CDH22: variants seen among roughly 807,000 people sequenced by gnomAD.
CDH22 encodes cadherin 22.
Under a neutral mutation model 58.4 loss-of-function variants are expected in CDH22, and 30 were observed. The observed-to-expected ratio is 0.51, with a 90% CI of 0.38 to 0.70. The LOEUF is 0.70. CDH22 is among the 30% of genes least tolerant of loss of function. CDH22 has a pLI of 0.00. For synonymous variants in CDH22, 513 were observed against 558.2 expected, an observed-to-expected ratio of 0.92 and a Z score of 1.14; for missense variants, 1,014 against 1,233.9, an observed-to-expected ratio of 0.82 and a Z score of 2.67.
Position 46,199,263 on chromosome 20 carries a change from GTTTC to G in CDH22, c.1423+156_1423+159del, listed in dbSNP as rs1452334229. Among the ~76,000 whole-genome samples, 4 of 152,218 alleles carry G rather than the reference GTTTC, an allele frequency of 2.6e-5. No homozygotes were observed. The East Asian group carries it at 5.8e-4, about 22-fold the overall frequency. ...TTCACCGCTGTGAGATCTTTGTCTAGTTTCTTTCTCTTCGCACCATCCCCAACCT... is the reference window on the plus strand; with the variant it reads ...TTCACCGCTGTGAGATCTTTGTCTAGTTTCTCTTCGCACCATCCCCAACCT... On this transcript the variant is annotated intron_variant, in intron 8 of 11. Transcript: ENST00000537909.
intron 1 of CDH22, among the ~76,000 whole-genome samples, chr20:46,286,727 G>A (rs913744115): frequency 1.3e-5 from 2 of 152,136 alleles, no homozygotes; most frequent in East Asian, 1.9e-4. Flanking sequence ...GTTGCTGGGC[G>A]GGGAAGGACC....
chr20:46,222,926 A>G (rs914011604), intron 4 of CDH22, among the ~76,000 whole-genome samples: 4 of 152,238 alleles, frequency 2.6e-5, no homozygotes, highest in Admixed American at 2.6e-4. Context: ...ACCTCGCAGC[A>G]GCTGCTAAAT....
chr20:46,190,633 C>A (rs956583550), intron 8 of CDH22, among the ~76,000 whole-genome samples: 2 of 152,228 alleles, frequency 1.3e-5, no homozygotes, highest in African/African-American at 4.8e-5. Context: ...TATGTTGTGT[C>A]AGGCAAAATT....
intron 8 of CDH22, among the ~76,000 whole-genome samples, chr20:46,193,251 G>T (rs911127024): frequency 7.2e-5 from 11 of 152,134 alleles, no homozygotes; most frequent in Non-Finnish European, 1.6e-4. Flanking sequence ...GATCCCAGGA[G>T]TCATCCAGTC....
chr20:46,297,556 G>C (rs1372944898), intron 1 of CDH22, among the ~76,000 whole-genome samples: 3 of 151,796 alleles, frequency 2.0e-5, no homozygotes, highest in Non-Finnish European at 4.4e-5. Context: ...ACTCCAAGAA[G>C]AGACGGGCGC....
At chr20:46,227,749 G>A (rs2086189650) in intron 3 of CDH22, 122 bp from the exon 4 acceptor site, 2 of 1,387,176 alleles carry the variant, frequency 1.4e-6, no homozygotes, top group South Asian at 1.4e-5. Flanking sequence ...GGAGGCCATC[G>A]AATACAGCCC....
chr20:46,179,182 C>G (rs1049212095), intron 10 of CDH22, among the ~76,000 whole-genome samples: 1 of 152,212 alleles, frequency 6.6e-6, no homozygotes, highest in Admixed American at 6.5e-5. Flanking sequence ...TGCAGGGGTA[C>G]GAAGTGCCCA....
intron 1 of CDH22, among the ~76,000 whole-genome samples, chr20:46,282,786 C>T (rs573277822): frequency 6.6e-6 from 1 of 152,260 alleles, no homozygotes; most frequent in South Asian, 2.1e-4. Context: ...TTGCCCCTCC[C>T]CCATACCAGG....
intron 8 of CDH22, among the ~76,000 whole-genome samples, chr20:46,189,910 G>A (rs2425771): frequency 0.034 from 5,115 of 151,956 alleles, 136 homozygotes; most frequent in Middle Eastern, 0.076. Flanking sequence ...CACCTGGAGA[G>A]CCTTTAAAAA....
At chr20:46,296,266 G>A (rs1162951522) in intron 1 of CDH22, among the ~76,000 whole-genome samples, 1 of 152,150 alleles carries the variant, frequency 6.6e-6, no homozygotes. Flanking sequence ...GGCAGGGAGG[G>A]GCATCTTCAT....
chr20:46,181,744 C>CTTCG lies in CDH22; in HGVS notation c.1664-3548_1664-3547insCGAA, dbSNP rs1441495518. ...CCTTCCTTCCTTCCTTCCTTCCTTC[C>CTTCG]TTCCTTCCTTCTTTCTTTCTTTCTT... On this transcript the variant is annotated intron_variant, in intron 10 of 11. Transcript: ENST00000537909. Among the ~76,000 whole-genome samples the CTTCG allele has an allele frequency of 4.7e-3, 143 of 30,750 alleles. 2 individuals carry two copies. The highest frequency in any genetic ancestry group is 0.011 in the African/African-American group (119 of 11,118). The allele number at this position is 30,750 out of a possible 152,430, so 20.2% of individuals were successfully genotyped here.
intron 7 of CDH22, among the ~76,000 whole-genome samples, chr20:46,208,994 G>A (rs1288155420): frequency 2.0e-5 from 3 of 152,188 alleles, no homozygotes; most frequent in African/African-American, 4.8e-5. Context: ...ACAAATAGAC[G>A]TAAATCCCTA....
chr20:46,208,656 G>A (rs2086017739), intron 7 of CDH22, among the ~76,000 whole-genome samples: 1 of 152,116 alleles, frequency 6.6e-6, no homozygotes, highest in South Asian at 2.1e-4. Context: ...GTGCAATGGT[G>A]CAATCTCGGC....
chr20:46,283,099 G>A (rs1006804134), intron 1 of CDH22, among the ~76,000 whole-genome samples: 2 of 152,194 alleles, frequency 1.3e-5, no homozygotes, highest in Non-Finnish European at 2.9e-5. Flanking sequence ...CATGCAGTAC[G>A]GCATGGGGTG....
intron 7 of CDH22, among the ~76,000 whole-genome samples, chr20:46,201,498 C>G (rs1340830397): frequency 1.3e-5 from 2 of 152,210 alleles, no homozygotes; most frequent in Non-Finnish European, 2.9e-5. Flanking sequence ...TCCTCTGCCA[C>G]TGATTCTACC....
intron 1 of CDH22, among the ~76,000 whole-genome samples, chr20:46,256,789 C>T (rs979489427): frequency 6.6e-6 from 1 of 152,052 alleles, no homozygotes; most frequent in Non-Finnish European, 1.5e-5. Context: ...TTCCTTGAGG[C>T]CAGGGGTTCA....
chr20:46,249,483 G>A (rs1360179888), intron 2 of CDH22, among the ~76,000 whole-genome samples: 4 of 152,182 alleles, frequency 2.6e-5, no homozygotes, highest in Non-Finnish European at 5.9e-5. Context: ...CATGTATGGA[G>A]CTTTGGGCCA....
chr20:46,222,616 C>A (rs1409678165), intron 4 of CDH22, among the ~76,000 whole-genome samples: 1 of 152,224 alleles, frequency 6.6e-6, no homozygotes, highest in Non-Finnish European at 1.5e-5. Flanking sequence ...TCAGCTCCCG[C>A]AGCCTTGTCT....
In CDH22 at chr20:46,241,408, G is replaced by A. The variant is rs1001652105; in HGVS notation, c.256-151C>T. The A allele has an allele frequency of 4.3e-6, 3 of 704,084 alleles. No individual in the cohort carries two copies. The highest frequency in any genetic ancestry group is 1.8e-5 in the African/African-American group (1 of 55,528). 43.6% of individuals were successfully genotyped at this position (704,084 alleles called of 1,614,324 possible). ...GAGGACACTGAGGCCCAGCAGCCAC[G>A]CTCACTTCCATCCCTGGCCTGGAGT... is the stretch of plus-strand genomic sequence containing the variant. On this transcript the variant is annotated intron_variant, in intron 2 of 11. Coordinates refer to ENST00000537909, the MANE Select transcript of CDH22 (RefSeq NM_021248.3). This position sits in a 1 kb window ranked among gnomAD's most constrained non-coding sequence, Gnocchi z 5.2.
Sources: gnomAD v4.1 joint callset for allele counts (sites outside exome capture counted in the v4.1 genomes callset) on GRCh38, gnomAD v4.1.1 for gene constraint, Gnocchi (gnomAD v3.1) non-coding constraint, MANE v1.5 for transcripts, NCBI Gene and HGNC (gene_info 2026-07-23, HGNC 2026-07-21) for gene names.